The following FAM107B variants were observed in gnomAD, a reference collection of about 807,000 sequenced individuals.
The protein encoded by FAM107B is protein FAM107B.
Under a neutral mutation model 31.5 loss-of-function variants are expected in FAM107B, and 21 were observed. That is an observed-to-expected ratio of 0.67 (90% CI 0.47 to 0.96). The LOEUF (loss-of-function observed/expected upper bound fraction) is 0.96, where lower values mean the gene tolerates loss of function less well. Ranked by LOEUF, FAM107B falls within the 40% of genes least tolerant of loss-of-function variation. The pLI is 0.00. For synonymous variants in FAM107B, 157 were observed against 141.5 expected (o/e 1.11, Z -0.78); for missense variants, 452 against 377.1 (o/e 1.20, Z -1.64).
chr10:14,668,323 G>C (rs903882199), intron 1 of FAM107B, among the ~76,000 whole-genome samples: 1 of 152,168 alleles, frequency 6.6e-6, no homozygotes, highest in African/African-American at 2.4e-5. Flanking sequence ...GGTTCCAGGA[G>C]TGAGCCACCA....
chr10:14,726,360 T>C (rs1298923262), intron 1 of FAM107B, among the ~76,000 whole-genome samples: 1 of 152,092 alleles, frequency 6.6e-6, no homozygotes, highest in East Asian at 1.9e-4. Flanking sequence ...CTGTTACAAA[T>C]CAGGGACAAT....
intron 2 of FAM107B, among the ~76,000 whole-genome samples, chr10:14,592,114 T>G (rs1852040330): frequency 6.6e-6 from 1 of 152,194 alleles, no homozygotes. Flanking sequence ...AGCAGATCCC[T>G]GGGCTTCCCC....
intron 2 of FAM107B, among the ~76,000 whole-genome samples, chr10:14,549,459 G>A (rs976618277): frequency 6.6e-6 from 1 of 152,252 alleles, no homozygotes; most frequent in Non-Finnish European, 1.5e-5. Context: ...TTTATGTGAA[G>A]CCTCCCTTTT....
rs11259191 is a variant in FAM107B at position 14,565,686 on chromosome 10, C to T, written c.470-35171G>A. The stretch of plus-strand genomic sequence containing the variant: ...AGCCAAAATCCTACAGCAAACGAAG[C>T]GGCTGAAACTGCTGATATTCCTCAG... On this transcript the variant is annotated intron_variant, in intron 2 of 4. Transcript: ENST00000181796. Among the ~76,000 whole-genome samples the T allele has an allele frequency of 2.8e-4, 43 of 152,228 alleles. No homozygotes were observed. In the East Asian group the frequency reaches 4.0e-3, roughly 14 times the overall value.
intron 2 of FAM107B, among the ~76,000 whole-genome samples, chr10:14,562,448 A>C (rs1389162938): frequency 6.6e-6 from 1 of 152,222 alleles, no homozygotes. Context: ...GTAGAGGCAG[A>C]GTTGCTAATT....
rs1554841903 is a variant in FAM107B at position 14,628,111 on chromosome 10, G to GGTTTTTTTTTGTTTTTTTT, written c.469+39522_469+39523insAAAAAAAACAAAAAAAAAC. Among the ~76,000 whole-genome samples, 2 of 90,694 alleles carry GGTTTTTTTTTGTTTTTTTT rather than the reference G, an allele frequency of 2.2e-5. 1 individual carries two copies. The highest frequency in any genetic ancestry group is 9.8e-4 in the South Asian group (2 of 2,046). 59.5% of individuals were successfully genotyped at this position (90,694 alleles called of 152,430 possible). A position where few individuals can be genotyped will look rare whatever the true frequency, so the allele number is the denominator to read the frequency against. ...TTCCTTGTTTGTTTTTTGTTTTGCTGGTTTTTTTTTTTTTTTTTTTTTGAG... is the reference window on the plus strand; with the variant it reads ...TTCCTTGTTTGTTTTTTGTTTTGCTGGTTTTTTTTTGTTTTTTTTGTTTTTTTTTTTTTTTTTTTTTGAG... On this transcript the variant is annotated intron_variant, in intron 2 of 4. Coordinates refer to ENST00000181796, the MANE Select transcript of FAM107B (RefSeq NM_031453.4).
chr10:14,637,793 C>A (rs1164609789), intron 2 of FAM107B, among the ~76,000 whole-genome samples: 1 of 152,114 alleles, frequency 6.6e-6, no homozygotes, highest in Admixed American at 6.6e-5. Flanking sequence ...CCATGTGGCA[C>A]TAAGGGTGGC....
intron 2 of FAM107B, among the ~76,000 whole-genome samples, chr10:14,647,953 T>A (rs1853800395): frequency 1.3e-5 from 2 of 151,380 alleles, no homozygotes; most frequent in South Asian, 4.2e-4. Flanking sequence ...ATTTGTTAAG[T>A]CTTCTGCGGA....
At chr10:14,728,621 C>T (rs1435505348) in intron 1 of FAM107B, among the ~76,000 whole-genome samples, 1 of 152,080 alleles carries the variant, frequency 6.6e-6, no homozygotes, top group Non-Finnish European at 1.5e-5. Flanking sequence ...ATATTGTTTC[C>T]CTCTTACCGC....
At chr10:14,644,747 T>C (rs571011425) in intron 2 of FAM107B, among the ~76,000 whole-genome samples, 2 of 152,168 alleles carry the variant, frequency 1.3e-5, no homozygotes, top group Non-Finnish European at 2.9e-5. Context: ...GCCACACAAA[T>C]GCAAGTATTG....
intron 1 of FAM107B, among the ~76,000 whole-genome samples, chr10:14,767,689 A>G (rs369289428): frequency 6.6e-6 from 1 of 152,230 alleles, no homozygotes; most frequent in Non-Finnish European, 1.5e-5. Flanking sequence ...TAAAGTTCAT[A>G]TAAGAAAAAC....
chr10:14,693,464 T>A (rs1270718063), intron 1 of FAM107B, among the ~76,000 whole-genome samples: 3 of 137,932 alleles, frequency 2.2e-5, no homozygotes, highest in Non-Finnish European at 3.1e-5. Flanking sequence ...GGCGACAGAG[T>A]GACACCGTCT....
chr10:14,589,236 G>T (rs181849058), intron 2 of FAM107B, among the ~76,000 whole-genome samples: 1 of 150,986 alleles, frequency 6.6e-6, no homozygotes, highest in East Asian at 1.9e-4. Context: ...ATGGTCAAAG[G>T]AATTATTTTT....
intron 1 of FAM107B, among the ~76,000 whole-genome samples, chr10:14,689,739 T>C (rs1855081856): frequency 6.6e-6 from 1 of 152,088 alleles, no homozygotes; most frequent in Non-Finnish European, 1.5e-5. Flanking sequence ...GGCAGGAGGA[T>C]CATGTAAGCC....
intron 2 of FAM107B, among the ~76,000 whole-genome samples, chr10:14,611,523 TATATA>T (rs1564599743): frequency 1.2e-4 from 12 of 101,506 alleles, no homozygotes; most frequent in African/African-American, 4.2e-4. Context: ...TATATATATA[TATATA>T]TTCACCTAAC....
At chr10:14,591,860 A>G (rs1436208629) in intron 2 of FAM107B, among the ~76,000 whole-genome samples, 1 of 152,190 alleles carries the variant, frequency 6.6e-6, no homozygotes, top group Non-Finnish European at 1.5e-5. Flanking sequence ...GATGAGTTTA[A>G]AAGAAACCCA....
At chr10:14,638,654 G>A (rs936899507) in intron 2 of FAM107B, among the ~76,000 whole-genome samples, 3 of 152,112 alleles carry the variant, frequency 2.0e-5, no homozygotes, top group African/African-American at 7.2e-5. Context: ...TCATTTCCCA[G>A]TGCTCACCTT....
At chr10:14,724,070 TTTAAG>T in intron 1 of FAM107B, 1 of 681,986 alleles carries the variant, frequency 1.5e-6, no homozygotes. Flanking sequence ...AAAGTTTCCC[TTTAAG>T]TTATGATGGG....
chr10:14,723,413 G>GCT, intron 1 of FAM107B: 10 of 553,062 alleles, frequency 1.8e-5, no homozygotes, highest in South Asian at 1.4e-4. Flanking sequence ...AGCAGCATCT[G>GCT]CTCTTCTTTT....
Sources: allele counts gnomAD v4.1 joint callset (sites outside exome capture counted in the v4.1 genomes callset), GRCh38; gene constraint gnomAD v4.1.1; transcripts MANE v1.5; gene names NCBI Gene and HGNC (gene_info 2026-07-23, HGNC 2026-07-21).